XRCC4: variants seen among roughly 807,000 people sequenced by gnomAD.
XRCC4 encodes the protein X-ray repair cross complementing 4.
A neutral mutation model predicts 39.1 loss-of-function variants in XRCC4; 28 were observed. That is an observed-to-expected ratio of 0.72 (90% CI 0.53 to 0.98). The LOEUF (loss-of-function observed/expected upper bound fraction) is 0.98, where lower values mean the gene tolerates loss of function less well. XRCC4 is among the 50% of genes least tolerant of loss of function. The pLI is 0.00. For missense variants in XRCC4, 350 were observed against 376.4 expected, an observed-to-expected ratio of 0.93 and a Z score of 0.58; for synonymous variants, 123 against 126.4, an observed-to-expected ratio of 0.97 and a Z score of 0.18.
chr5:83,254,523 A>G (rs532564921), intron 6 of XRCC4, among the ~76,000 whole-genome samples: 25 of 152,320 alleles, frequency 1.6e-4, no homozygotes, highest in African/African-American at 5.8e-4. Context: ...GCCAGACTTG[A>G]AAGTGAAAAC....
chr5:83,167,993 A>G (rs925436113), intron 3 of XRCC4, among the ~76,000 whole-genome samples: 1 of 152,232 alleles, frequency 6.6e-6, no homozygotes, highest in Non-Finnish European at 1.5e-5. Context: ...AGGGAATATT[A>G]AGCATAATTA....
At chr5:83,149,859 T>C (rs1748624270) in intron 3 of XRCC4, among the ~76,000 whole-genome samples, 1 of 151,756 alleles carries the variant, frequency 6.6e-6, no homozygotes, top group Admixed American at 6.6e-5. Context: ...CCACAGAGAG[T>C]CCAGTTAGAG....
intron 6 of XRCC4, among the ~76,000 whole-genome samples, chr5:83,226,283 A>G (rs889020288): frequency 6.6e-6 from 1 of 151,972 alleles, no homozygotes; most frequent in African/African-American, 2.4e-5. Flanking sequence ...TGACTTTCCC[A>G]TTAATTCCTT....
chr5:83,314,021 T>A (rs1292878016), intron 7 of XRCC4, among the ~76,000 whole-genome samples: 1 of 152,090 alleles, frequency 6.6e-6, no homozygotes, highest in Admixed American at 6.6e-5. Flanking sequence ...TTACATCTTA[T>A]TCTTCATTAA....
At chr5:83,285,917 G>A (rs930203374) in intron 7 of XRCC4, among the ~76,000 whole-genome samples, 18 of 152,098 alleles carry the variant, frequency 1.2e-4, no homozygotes, top group Admixed American at 5.9e-4. Flanking sequence ...CTGAAACCAT[G>A]ACTTTTCACA....
intron 3 of XRCC4, among the ~76,000 whole-genome samples, chr5:83,194,479 A>T (rs1318070435): frequency 6.6e-6 from 1 of 152,190 alleles, no homozygotes; most frequent in African/African-American, 2.4e-5. Flanking sequence ...GTCTGCTTTT[A>T]TTTGTAAATT....
chr5:83,099,406 G>C (rs1745821194), intron 1 of XRCC4, among the ~76,000 whole-genome samples: 1 of 152,294 alleles, frequency 6.6e-6, no homozygotes, highest in Non-Finnish European at 1.5e-5. Flanking sequence ...CTAAAAGAGA[G>C]AGTTGGCTTC....
At chr5:83,320,203 G>A (rs1211515434) in intron 7 of XRCC4, among the ~76,000 whole-genome samples, 2 of 120,306 alleles carry the variant, frequency 1.7e-5, no homozygotes, top group East Asian at 2.5e-4. Context: ...TCTGGGGACT[G>A]TTGTGGGGTC....
At chr5:83,214,718 C>T (rs1751785403) in intron 6 of XRCC4, among the ~76,000 whole-genome samples, 1 of 151,646 alleles carries the variant, frequency 6.6e-6, no homozygotes, top group Admixed American at 6.6e-5. Context: ...CGCCTGTAGT[C>T]CCAGCTACTC....
chr5:83,197,884 CTTAGA>C, intron 4 of XRCC4, among the ~76,000 whole-genome samples: 1 of 152,194 alleles, frequency 6.6e-6, no homozygotes, highest in Non-Finnish European at 1.5e-5. Flanking sequence ...TATTCCAGAT[CTTAGA>C]TTAGTAGCTT....
chr5:83,305,091 A>G (rs1160972739), intron 7 of XRCC4, among the ~76,000 whole-genome samples: 1 of 152,128 alleles, frequency 6.6e-6, no homozygotes, highest in African/African-American at 2.4e-5. Context: ...GGCATTTTCA[A>G]ATTTTTTTAT....
chr5:83,354,076 A>G (rs753540646), downstream of XRCC4, among the ~76,000 whole-genome samples: 14 of 152,174 alleles, frequency 9.2e-5, no homozygotes, highest in Admixed American at 2.6e-4. Context: ...GTGCTACTCA[A>G]AGTTAACAAC....
intron 6 of XRCC4, among the ~76,000 whole-genome samples, chr5:83,240,928 A>AT (rs1158352190): frequency 1.3e-5 from 2 of 152,212 alleles, no homozygotes. Flanking sequence ...TGTAAAAGTG[A>AT]TTCATTCACT....
chr5:83,274,709 A>G (rs1369156636), intron 7 of XRCC4, among the ~76,000 whole-genome samples: 1 of 152,214 alleles, frequency 6.6e-6, no homozygotes, highest in Non-Finnish European at 1.5e-5. Flanking sequence ...ATTGAAAGAA[A>G]GGTAATGCAA....
At chr5:83,252,908 CA>C (rs1280979673) in intron 6 of XRCC4, among the ~76,000 whole-genome samples, 1 of 152,092 alleles carries the variant, frequency 6.6e-6, no homozygotes, top group Non-Finnish European at 1.5e-5. Flanking sequence ...GGGTTTAGCA[CA>C]AGGCATGGGT....
At chr5:83,123,889 T>TA (rs58304892) in intron 3 of XRCC4, among the ~76,000 whole-genome samples, 74,334 of 151,814 alleles carry the variant, frequency 0.49, 19,120 homozygotes, top group African/African-American at 0.63. Flanking sequence ...GTTACATTGA[T>TA]TTTTTTTACT....
intron 3 of XRCC4, among the ~76,000 whole-genome samples, chr5:83,167,960 T>C (rs1749558874): frequency 6.6e-6 from 1 of 152,130 alleles, no homozygotes; most frequent in Non-Finnish European, 1.5e-5. Context: ...TAAAATATAT[T>C]TGAAGTAATT....
At chr5:83,349,524 G>A (rs1490526322) in intron 7 of XRCC4, among the ~76,000 whole-genome samples, 3 of 152,126 alleles carry the variant, frequency 2.0e-5, no homozygotes, top group African/African-American at 7.2e-5. Context: ...TTATGACTAG[G>A]CACTATGAAC....
At chr5:83,116,879 C>T (rs1301134764) in intron 3 of XRCC4, among the ~76,000 whole-genome samples, 1 of 152,064 alleles carries the variant, frequency 6.6e-6, no homozygotes, top group African/African-American at 2.4e-5. Context: ...GCCTCGGCCT[C>T]CCAAAGTGCT....
Sources: allele counts gnomAD v4.1 joint callset (sites outside exome capture counted in the v4.1 genomes callset), GRCh38; gene constraint gnomAD v4.1.1; transcripts MANE v1.5; gene names NCBI Gene and HGNC (gene_info 2026-07-23, HGNC 2026-07-21).